COL9A1: variants seen among roughly 807,000 people sequenced by gnomAD.
The protein encoded by COL9A1 is collagen alpha-1(IX) chain.
Under a neutral mutation model 142.6 loss-of-function variants are expected in COL9A1, and 104 were observed. That is an observed-to-expected ratio of 0.73 (90% confidence interval 0.62 to 0.86). The LOEUF (loss-of-function observed/expected upper bound fraction) is 0.86. Among genes scored for constraint, COL9A1 ranks in the 40% least tolerant of loss-of-function variants. The pLI is 0.00. For missense variants in COL9A1, 1,210 were observed against 1,176.6 expected, an observed-to-expected ratio of 1.03 and a Z score of -0.42; for synonymous variants, 466 against 396.0, an observed-to-expected ratio of 1.18 and a Z score of -2.10.
rs199996049 is a variant in COL9A1, at chr6:70,268,877, G to A, written c.1231-17C>T. ...ATTGGGACACTGCCAGGGAGAGAGG[G>A]AACAAAGAGAAAGAAAGACAGACAG... On this transcript the variant is annotated splice_polypyrimidine_tract_variant and intron_variant, in intron 16 of 37. Transcript: ENST00000357250. 34 of 1,612,860 alleles carry A rather than the reference G, an allele frequency of 2.1e-5. No individual in the cohort carries two copies. Among genetic ancestry groups the A allele is most frequent in the Middle Eastern group, 3.3e-4 (2 of 6,080 alleles).
At position 70,216,771 on chromosome 6, in the gene COL9A1, A is replaced by ACTGAAGGTAATACATTGTAATCATG. The variant is rs2127543809; in HGVS notation, c.*101_*125dup. 1.1e-6 allele frequency: 1 copy of ACTGAAGGTAATACATTGTAATCATG among 951,522 alleles called. No homozygotes were observed. Among genetic ancestry groups the ACTGAAGGTAATACATTGTAATCATG allele is most frequent in the Non-Finnish European group, 1.7e-6 (1 of 600,584 alleles). The allele number at this position is 951,522 out of a possible 1,614,324, so 58.9% of individuals were successfully genotyped here. A position where few individuals can be genotyped will look rare whatever the true frequency, so the allele number is the denominator to read the frequency against. ...TGTCAAGTAGGACTTCTGTAATCAT[A>ACTGAAGGTAATACATTGTAATCATG]CTGAAGGTAATACATTGTAATCATG... is the stretch of plus-strand genomic sequence containing the variant. On this transcript the variant is annotated 3_prime_UTR_variant, in exon 38 of 38. Transcript: ENST00000357250.
intron 37 of COL9A1, among the ~76,000 whole-genome samples, chr6:70,218,419 CAAAG>C (rs1219470380): frequency 6.6e-6 from 1 of 152,146 alleles, no homozygotes; most frequent in Non-Finnish European, 1.5e-5. Context: ...CACCCCATAA[CAAAG>C]AGGAATTTCT....
chr6:70,243,032 G>A (rs533828635), intron 28 of COL9A1, among the ~76,000 whole-genome samples: 1 of 152,300 alleles, frequency 6.6e-6, no homozygotes, highest in African/African-American at 2.4e-5. Flanking sequence ...CTTAGATTAT[G>A]TGTTCTTAAG....
At chr6:70,240,778 A>C (rs777536540) in intron 31 of COL9A1, 45 bp from the exon 32 acceptor site, 3 of 1,463,224 alleles carry the variant, frequency 2.1e-6, no homozygotes, top group Non-Finnish European at 2.9e-6. Context: ...TCTTAGTCCC[A>C]TTGCCCAATT....
intron 10 of COL9A1, among the ~76,000 whole-genome samples, chr6:70,277,282 G>A (rs1473056299): frequency 1.3e-5 from 2 of 151,710 alleles, no homozygotes; most frequent in Non-Finnish European, 2.9e-5. Flanking sequence ...GCTGAGAACA[G>A]CACAGTTGTC....
At chr6:70,293,630 TTCACAC>T (rs1773734342) in intron 5 of COL9A1, among the ~76,000 whole-genome samples, 1 of 74,216 alleles carries the variant, frequency 1.3e-5, no homozygotes, top group Admixed American at 1.4e-4. Context: ...CTCTCTCTCT[TTCACAC>T]ACACACACAC....
At chr6:70,235,330 G>A (rs1046794752) in intron 33 of COL9A1, among the ~76,000 whole-genome samples, 14 of 152,096 alleles carry the variant, frequency 9.2e-5, no homozygotes, top group African/African-American at 3.4e-4. Flanking sequence ...GTGCATGCCT[G>A]TTGTCCCACC....
rs191529456 is a variant in COL9A1, at chr6:70,268,451, G to A, written c.1287+353C>T. On this transcript the variant is annotated intron_variant, in intron 17 of 37. Coordinates refer to ENST00000357250, the MANE Select transcript of COL9A1 (RefSeq NM_001851.6). ...GTTGGTCTCAAACTCCTGGGTTTAA[G>A]CAATCCTCCCACCTTGGCCTCCCAA... is the stretch of plus-strand genomic sequence containing the variant. Among the ~76,000 whole-genome samples, 2 of 152,198 alleles carry A rather than the reference G, an allele frequency of 1.3e-5. 1 individual carries two copies. Among genetic ancestry groups the A allele is most frequent in the Admixed American group, 1.3e-4 (2 of 15,282 alleles).
intron 36 of COL9A1, 117 bp downstream of exon 36, chr6:70,232,466 C>A: frequency 8.7e-7 from 1 of 1,145,590 alleles, no homozygotes. Flanking sequence ...GAGAATAATA[C>A]ATCTTATCTC....
Position 70,240,672 on chromosome 6 carries a change from G to GA in COL9A1, c.2079+16dup, listed in dbSNP as rs552585742. The GA allele has an allele frequency of 4.1e-3, 6,080 of 1,470,422 alleles. 3 individuals carry two copies. The highest frequency in any genetic ancestry group is 5.1e-3 in the Non-Finnish European group (5,407 of 1,067,870). The allele number at this position is 1,470,422 out of a possible 1,614,324, so 91.1% of individuals were successfully genotyped here. A position where few individuals can be genotyped will look rare whatever the true frequency, so the allele number is the denominator to read the frequency against. On this transcript the variant is annotated intron_variant, in intron 32 of 37. Transcript: ENST00000357250. Reference sequence around the variant, plus strand: ...ATTGGTAAAGCTTCATCATTAACCAGAAAAAAAAAATCTTACAAGTTCCCC... The same window carrying GA: ...ATTGGTAAAGCTTCATCATTAACCAGAAAAAAAAAAATCTTACAAGTTCCCC...
chr6:70,283,795 T>G lies in COL9A1; in HGVS notation c.722A>C (p.His241Pro). 6.2e-7 allele frequency: 1 copy of G among 1,610,234 alleles called. No homozygotes were observed. Among genetic ancestry groups the G allele is most frequent in the Non-Finnish European group, 8.5e-7 (1 of 1,178,330 alleles). Residue 241 changes from histidine to proline, a missense_variant, in exon 6 of 38, where the codon CAT becomes CCT. His to Pro is a moderately conservative substitution (Grantham distance 77, BLOSUM62 -2). Transcript: ENST00000357250. ...TCTCCTGGGCCGCAGGGGGTCACAA[T>G]GGATCAGCATCCATTGAAGTTCAAA... ...VPFELQWMLI[H>P]CDPLRPRRET...
chr6:70,290,642 G>A (rs1773623433), intron 5 of COL9A1, among the ~76,000 whole-genome samples: 2 of 147,298 alleles, frequency 1.4e-5, no homozygotes, highest in African/African-American at 5.1e-5. Flanking sequence ...GTGACTCTTA[G>A]CATCAGTGAT....
chr6:70,242,192 C>G (rs1770301910), intron 29 of COL9A1, 157 bp from the exon 30 acceptor site: 1 of 711,376 alleles, frequency 1.4e-6, no homozygotes, highest in African/African-American at 1.7e-5. Flanking sequence ...TTCATATTCT[C>G]AGGAGAAGAG....
chr6:70,295,278 C>CTTTTTT (rs1194030774), intron 4 of COL9A1, among the ~76,000 whole-genome samples: 1 of 79,400 alleles, frequency 1.3e-5, no homozygotes, highest in East Asian at 7.2e-4. Context: ...TCTGTTGTTG[C>CTTTTTT]TTCTTTTTTT....
At chr6:70,223,980 A>G (rs1769062362) in intron 37 of COL9A1, among the ~76,000 whole-genome samples, 2 of 152,098 alleles carry the variant, frequency 1.3e-5, no homozygotes, top group Admixed American at 1.3e-4. Flanking sequence ...GAGGAGGGCA[A>G]CGATTTTGGA....
intron 17 of COL9A1, among the ~76,000 whole-genome samples, chr6:70,268,173 C>T (rs1772152133): frequency 6.6e-6 from 1 of 150,518 alleles, no homozygotes; most frequent in African/African-American, 2.4e-5. Flanking sequence ...ATGTACACAA[C>T]CCCCTCCAAC....
intron 10 of COL9A1, chr6:70,279,972 T>C (rs1267749254): frequency 1.5e-6 from 1 of 689,294 alleles, no homozygotes; most frequent in Non-Finnish European, 2.7e-6. Context: ...ACGCCATTTC[T>C]TACTTCACTT....
chr6:70,299,954 G>A, intron 4 of COL9A1, 89 bp downstream of exon 4: 1 of 1,258,244 alleles, frequency 7.9e-7, no homozygotes, highest in Non-Finnish European at 1.2e-6. Flanking sequence ...AAGAAACATT[G>A]ATCATAAGAA....
chr6:70,273,921 C>T (rs1339482976), intron 12 of COL9A1, 126 bp downstream of exon 12: 3 of 441,160 alleles, frequency 6.8e-6, no homozygotes, highest in African/African-American at 4.4e-5. Flanking sequence ...TGCACATGTA[C>T]CCTAAAACTT....
Sources: gnomAD v4.1 joint callset for allele counts (sites outside exome capture counted in the v4.1 genomes callset) on GRCh38, gnomAD v4.1.1 for gene constraint, MANE v1.5 for transcripts, NCBI Gene and HGNC (gene_info 2026-07-23, HGNC 2026-07-21) for gene names.